RALGAPA1: variants seen among roughly 807,000 people sequenced by gnomAD.
The protein encoded by RALGAPA1 is ral GTPase-activating protein subunit alpha-1.
In RALGAPA1, 52 loss-of-function variants were observed where a neutral mutation model predicts 269.6. The observed-to-expected ratio is 0.19, with a 90% confidence interval of 0.15 to 0.24. RALGAPA1 has a LOEUF of 0.24. Among genes scored for constraint, RALGAPA1 ranks in the 10% least tolerant of loss-of-function variants. RALGAPA1 has a pLI of 1.00. For missense variants in RALGAPA1, 1,917 were observed against 3,013.9 expected, an observed-to-expected ratio of 0.64 and a Z score of 8.52; for synonymous variants, 817 against 1,008.3, an observed-to-expected ratio of 0.81 and a Z score of 3.60.
intron 3 of RALGAPA1, among the ~76,000 whole-genome samples, chr14:35,772,642 T>C (rs2074720823): frequency 6.6e-6 from 1 of 152,194 alleles, no homozygotes; most frequent in Non-Finnish European, 1.5e-5. Context: ...GGCCAAACAC[T>C]AGGCACTTTA....
chr14:35,651,770 A>G (rs1477440805), intron 31 of RALGAPA1, 35 bp downstream of exon 31: 2 of 1,552,438 alleles, frequency 1.3e-6, no homozygotes, highest in Non-Finnish European at 1.7e-6. Flanking sequence ...TTACTAAATA[A>G]CCACATACTA....
intron 6 of RALGAPA1, among the ~76,000 whole-genome samples, chr14:35,760,392 T>C (rs1371694596): frequency 6.6e-6 from 1 of 152,206 alleles, no homozygotes; most frequent in Non-Finnish European, 1.5e-5. Context: ...TCCTCTGTCC[T>C]AATTACAAAG....
At chr14:35,620,728 AAG>A (rs1342399425) in intron 35 of RALGAPA1, among the ~76,000 whole-genome samples, 2 of 152,006 alleles carry the variant, frequency 1.3e-5, no homozygotes, top group Non-Finnish European at 2.9e-5. Context: ...ACAGACAAAC[AAG>A]AGAGTCAAAT....
chr14:35,728,253 T>G (rs2141012959), intron 13 of RALGAPA1, 109 bp downstream of exon 13: 2 of 976,076 alleles, frequency 2.0e-6, no homozygotes, highest in South Asian at 4.7e-5. Context: ...AATAGGAGCC[T>G]CTATAATACT....
intron 1 of RALGAPA1, among the ~76,000 whole-genome samples, chr14:35,795,847 G>C (rs1009272533): frequency 2.0e-5 from 3 of 151,544 alleles, no homozygotes; most frequent in Non-Finnish European, 4.4e-5. Context: ...GCTGGGTGTG[G>C]TGGCATGCAC....
intron 36 of RALGAPA1, among the ~76,000 whole-genome samples, chr14:35,599,108 C>T (rs1566786447): frequency 6.6e-6 from 1 of 152,148 alleles, no homozygotes; most frequent in African/African-American, 2.4e-5. Flanking sequence ...CTATATGTTC[C>T]TTTACCATCC....
At chr14:35,738,754 A>G in intron 11 of RALGAPA1, 104 bp from the exon 12 acceptor site, 1 of 843,502 alleles carries the variant, frequency 1.2e-6, no homozygotes, top group Admixed American at 2.8e-5. Flanking sequence ...ACTGCTAAAC[A>G]GGTTTCTTTC....
intron 36 of RALGAPA1, among the ~76,000 whole-genome samples, chr14:35,600,135 CTT>C (rs1353447238): frequency 6.0e-5 from 8 of 132,878 alleles, no homozygotes; most frequent in Admixed American, 2.3e-4. Flanking sequence ...GAATGCTAGA[CTT>C]TTTTTTTTTT....
chr14:35,563,979 G>T (rs757810613), intron 39 of RALGAPA1, among the ~76,000 whole-genome samples: 7 of 152,038 alleles, frequency 4.6e-5, no homozygotes, highest in Admixed American at 1.3e-4. Context: ...ACAGTGTATT[G>T]CTTTTGTACC....
At chr14:35,721,551 A>T in intron 16 of RALGAPA1, 137 bp downstream of exon 16, 1 of 682,112 alleles carries the variant, frequency 1.5e-6, no homozygotes, top group South Asian at 2.6e-5. Context: ...ACTTCTGGAA[A>T]AAAGGCTTTG....
intron 37 of RALGAPA1, among the ~76,000 whole-genome samples, chr14:35,574,665 T>G (rs1159803963): frequency 6.6e-6 from 1 of 152,154 alleles, no homozygotes; most frequent in African/African-American, 2.4e-5. Context: ...AATTGAGAAA[T>G]TGCTAATCAT....
Position 35,570,698 on chromosome 14 carries a change from T to C in RALGAPA1, c.7415A>G (p.Lys2472Arg), listed in dbSNP as rs2057117639. The part of the protein sequence containing the change: ...PLFDGAIVNG[K>R]VLPIMVRATA... ...TGCTCTAACCATAATGGGTAGAACC[T>C]TTCCATTCACAATAGCACCATCAAA... The change falls in exon 39 of 42, where the codon AAG (lysine) becomes AGG (arginine). Residue 2472 changes from lysine (K) to arginine (R), a missense_variant. Lys to Arg is a conservative substitution (Grantham distance 26, BLOSUM62 2). Transcript: ENST00000680220. The C allele has an allele frequency of 1.1e-5, 17 of 1,611,242 alleles. No homozygotes were observed. The highest frequency in any genetic ancestry group is 1.4e-5 in the Non-Finnish European group (16 of 1,178,818).
At chr14:35,673,226 T>A (rs2064636418) in intron 24 of RALGAPA1, among the ~76,000 whole-genome samples, 1 of 152,110 alleles carries the variant, frequency 6.6e-6, no homozygotes, top group African/African-American at 2.4e-5. Context: ...CTGTTCCACT[T>A]AGGAAAATGT....
chr14:35,662,623 G>T (rs925760843), intron 27 of RALGAPA1, among the ~76,000 whole-genome samples: 4 of 152,090 alleles, frequency 2.6e-5, no homozygotes, highest in African/African-American at 9.7e-5. Flanking sequence ...AGAGAACAAG[G>T]CCACTCTGAA....
Position 35,721,861 on chromosome 14 carries a change from G to A in RALGAPA1, c.2105-12C>T. The A allele has an allele frequency of 6.2e-7, 1 of 1,608,600 alleles. No homozygotes were observed. Among genetic ancestry groups the A allele is most frequent in the Non-Finnish European group, 8.5e-7 (1 of 1,175,156 alleles). The stretch of plus-strand genomic sequence containing the variant: ...TTCATGTCCAACTCCTGGAAATGTA[G>A]ATTTTCAATCTCAATATACTGTTAC... On this transcript the variant is annotated splice_polypyrimidine_tract_variant and intron_variant, in intron 15 of 41. Transcript: ENST00000680220.
At chr14:35,722,294 C>G (rs1259274939) in intron 15 of RALGAPA1, among the ~76,000 whole-genome samples, 1 of 152,184 alleles carries the variant, frequency 6.6e-6, no homozygotes, top group African/African-American at 2.4e-5. Context: ...GATGTAAACT[C>G]TAGCTAGCAA....
At position 35,677,993 on chromosome 14, in the gene RALGAPA1, G is replaced by A. The variant is rs1413591713; in HGVS notation, c.4581C>T (p.Asp1527=). 9 of 1,613,410 alleles carry A rather than the reference G, an allele frequency of 5.6e-6. No homozygotes were observed. Among genetic ancestry groups the A allele is most frequent in the East Asian group, 4.5e-5 (2 of 44,846 alleles). The change falls in exon 22 of 42, where the codon GAC becomes GAT. Residue 1527 remains aspartate (D), a synonymous_variant. Transcript: ENST00000680220. ...GAAGAACAGAGTGGTGGAGCTTCTCGTCGAGCTGCAGATCCTTCTGTTCCA... is the reference window on the plus strand; with the variant it reads ...GAAGAACAGAGTGGTGGAGCTTCTCATCGAGCTGCAGATCCTTCTGTTCCA... ...DHMEQKDLQL[D]EKLHHSVLQT... is the part of the protein sequence containing the mutation.
Position 35,808,890 on chromosome 14 carries a change from G to A in RALGAPA1, c.-55C>T, listed in dbSNP as rs1205747829. 8 of 1,573,146 alleles carry A rather than the reference G, an allele frequency of 5.1e-6. No homozygotes were observed. The African/African-American group carries it at 5.4e-5, about 11-fold the overall frequency. On this transcript the variant is annotated 5_prime_UTR_variant, in exon 1 of 42. Transcript: ENST00000680220. ...CACAGCCGGCTCCCAGCCGGGTCCC[G>A]GCGGCAGAAAGTGGAGGGAGTGGAC...
chr14:35,674,520 G>A lies in RALGAPA1; in HGVS notation c.4814C>T (p.Ala1605Val). The A allele has an allele frequency of 3.8e-6, 6 of 1,599,504 alleles. No individual in the cohort carries two copies. The South Asian group carries it at 5.7e-5, about 15-fold the overall frequency. ...DYLCELWQNL[A>V]KIRDNLGIST... ...TATCCGCTATTTCTTTTTTACCTTA[G>A]CTAGATTCTGCCAAAGTTCACAGAG... Residue 1605 changes from alanine to valine, a missense_variant, in exon 23 of 42, where the codon GCT (alanine) becomes GTT (valine). Physicochemically the swap from Ala to Val is moderately conservative, Grantham distance 64 (BLOSUM62 0). Transcript: ENST00000680220.
Sources: allele counts gnomAD v4.1 joint callset (sites outside exome capture counted in the v4.1 genomes callset), GRCh38; gene constraint gnomAD v4.1.1; transcripts MANE v1.5; gene names NCBI Gene and HGNC (gene_info 2026-07-23, HGNC 2026-07-21).